The following ADGRG1 variants were observed in gnomAD, a reference collection of about 807,000 sequenced individuals.
ADGRG1 encodes the protein adhesion G protein-coupled receptor G1.
Under a neutral mutation model 73.5 loss-of-function variants are expected in ADGRG1, and 53 were observed. The observed-to-expected ratio is 0.72, with a 90% CI of 0.58 to 0.91. The LOEUF (loss-of-function observed/expected upper bound fraction) is 0.91. ADGRG1 is among the 40% of genes least tolerant of loss of function. The probability of loss-of-function intolerance (pLI) is 0.00; values close to 1 mark genes in which losing one functional copy is unlikely to be tolerated. For synonymous variants in ADGRG1, 394 were observed against 374.4 expected, an observed-to-expected ratio of 1.05 and a Z score of -0.60; for missense variants, 795 against 871.8, an observed-to-expected ratio of 0.91 and a Z score of 1.11.
rs2043470291 is a variant in ADGRG1 at position 57,649,408 on chromosome 16, G to A, written c.-35-845G>A. On this transcript the variant is annotated intron_variant, in intron 1 of 13. Coordinates refer to ENST00000562631, the MANE Select transcript of ADGRG1 (RefSeq NM_201525.4). ...CTCCCACTACCTGGAGGAGGCTACTGGGGGTGGGGAGGGGCTTTGGCCAGT... is the reference window on the plus strand; with the variant it reads ...CTCCCACTACCTGGAGGAGGCTACTAGGGGTGGGGAGGGGCTTTGGCCAGT... 2.0e-5 allele frequency among the ~76,000 whole-genome samples: 3 copies of A among 152,184 alleles called. No individual in the cohort carries two copies. In the South Asian group the frequency reaches 6.2e-4, roughly 31 times the overall value.
At chr16:57,640,995 G>C (rs991192386) in intron 1 of ADGRG1, 6 of 985,410 alleles carry the variant, frequency 6.1e-6, no homozygotes, top group Non-Finnish European at 6.0e-6. Flanking sequence ...TGGTTTGAGA[G>C]GGAAGACAGT....
chr16:57,636,411 A>G (rs769561269), intron 1 of ADGRG1: 11 of 985,108 alleles, frequency 1.1e-5, no homozygotes, highest in Non-Finnish European at 1.3e-5. Flanking sequence ...AACAAAGGGG[A>G]GTTTGCCTTG....
rs775331098 is a variant in ADGRG1 at position 57,651,246 on chromosome 16, G to A, written c.111G>A (p.Gln37=). 2.5e-5 allele frequency: 40 copies of A among 1,614,046 alleles called. No homozygotes were observed. Among genetic ancestry groups the A allele is most frequent in the Admixed American group, 3.3e-5 (2 of 60,016 alleles). Residue 37 remains glutamine, a synonymous_variant, in exon 3 of 14, where the codon CAG becomes CAA. Coordinates refer to ENST00000562631, the MANE Select transcript of ADGRG1 (RefSeq NM_201525.4). ...GHREDFRFCS[Q]RNQTHRSSLH... is the part of the protein sequence containing the mutation. Reference sequence around the variant, plus strand: ...GGGAAGACTTTCGCTTCTGCAGCCAGCGGAACCAGACACACAGGAGCAGCC... The same window carrying A: ...GGGAAGACTTTCGCTTCTGCAGCCAACGGAACCAGACACACAGGAGCAGCC...
At chr16:57,655,624 G>C in intron 6 of ADGRG1, 94 bp downstream of exon 6, 1 of 1,597,014 alleles carries the variant, frequency 6.3e-7, no homozygotes, top group Non-Finnish European at 8.5e-7. Flanking sequence ...CTTCCTCTGG[G>C]AGTCAAAGCC....
chr16:57,628,917 AGT>A (rs1299341571), intron 1 of ADGRG1, 115 bp downstream of exon 1: 7 of 739,524 alleles, frequency 9.5e-6, no homozygotes, highest in Admixed American at 1.0e-4. Context: ...AGTGTGTGAG[AGT>A]GAGTGTGAGT....
intron 1 of ADGRG1, chr16:57,643,654 G>A: frequency 6.1e-6 from 6 of 985,140 alleles, no homozygotes; most frequent in Non-Finnish European, 7.2e-6. Flanking sequence ...AGCCTCCGAG[G>A]CAGGCAGCTT....
At chr16:57,646,256 C>A in intron 1 of ADGRG1, 1 of 420,694 alleles carries the variant, frequency 2.4e-6, no homozygotes, top group Non-Finnish European at 3.2e-6. Context: ...GACTCAGGTC[C>A]CCCGGGAGAA....
upstream of ADGRG1, chr16:57,625,833 ACTTC>A (rs1411851171): frequency 5.6e-6 from 1 of 178,100 alleles, no homozygotes. Flanking sequence ...GTTAGATCCC[ACTTC>A]CTTCCAAGCA....
chr16:57,634,710 G>A (rs1007402459), intron 1 of ADGRG1: 24 of 173,050 alleles, frequency 1.4e-4, no homozygotes, highest in Non-Finnish European at 2.2e-4. Flanking sequence ...TGGCAGGGGC[G>A]TTGCAGAAGC....
chr16:57,659,363 C>A (rs1338272177), intron 10 of ADGRG1, 50 bp from the exon 11 acceptor site: 5 of 1,611,836 alleles, frequency 3.1e-6, no homozygotes, highest in Non-Finnish European at 4.2e-6. Flanking sequence ...TGGGCACACT[C>A]CCCTCTCTAC....
chr16:57,619,949 G>A (rs2034458504), upstream of ADGRG1: 1 of 152,414 alleles, frequency 6.6e-6, no homozygotes, highest in African/African-American at 2.4e-5. Context: ...GGGAACAAGA[G>A]AGGGTGGCGG....
chr16:57,627,099 T>C (rs770060452), upstream of ADGRG1: 145 of 978,624 alleles, frequency 1.5e-4, no homozygotes, highest in Non-Finnish European at 1.7e-4. Flanking sequence ...TCTCACCTTA[T>C]GGCCTCCCTG....
intron 1 of ADGRG1, chr16:57,631,821 G>C: frequency 1.0e-6 from 1 of 985,388 alleles, no homozygotes; most frequent in Non-Finnish European, 1.2e-6. Context: ...CCTGTCTCTG[G>C]TGCCCCATCT....
chr16:57,649,224 C>T (rs1312749877), intron 1 of ADGRG1, among the ~76,000 whole-genome samples: 1 of 152,212 alleles, frequency 6.6e-6, no homozygotes, highest in East Asian at 1.9e-4. Flanking sequence ...GCGCCCTTCC[C>T]CTCTGGCTCC....
At chr16:57,658,611 G>A (rs1319091886) in intron 10 of ADGRG1, among the ~76,000 whole-genome samples, 1 of 152,228 alleles carries the variant, frequency 6.6e-6, no homozygotes, top group African/African-American at 2.4e-5. Context: ...AAGGACAGCT[G>A]GGTGATGAGA....
chr16:57,631,407 G>C, intron 1 of ADGRG1: 1 of 985,976 alleles, frequency 1.0e-6, no homozygotes, highest in South Asian at 4.7e-5. Flanking sequence ...AGGGATGCAG[G>C]ATGGGCTTCC....
rs149610558 is a variant in ADGRG1, at chr16:57,653,633, G to A, written c.620+298G>A. 778 of 957,624 alleles carry A rather than the reference G, an allele frequency of 8.1e-4. 2 individuals carry two copies. Among genetic ancestry groups the A allele is most frequent in the Middle Eastern group, 3.8e-3 (7 of 1,858 alleles). The allele number at this position is 957,624 out of a possible 1,614,324, so 59.3% of individuals were successfully genotyped here. ...ACCAAGGCTCAGAGACGGCAGAGCC[G>A]CTCCAAGGCCACAGAGTAGGTTGGC... On this transcript the variant is annotated intron_variant, in intron 4 of 13. Coordinates refer to ENST00000562631, the MANE Select transcript of ADGRG1 (RefSeq NM_201525.4).
At chr16:57,638,607 GT>G (rs1205641943) in intron 1 of ADGRG1, among the ~76,000 whole-genome samples, 1 of 152,198 alleles carries the variant, frequency 6.6e-6, no homozygotes, top group Non-Finnish European at 1.5e-5. Flanking sequence ...ACCCTAAGGA[GT>G]TTTCAGAGAA....
rs187562828 is a variant in ADGRG1, at chr16:57,656,347, G to A, written c.1063+76G>A. On this transcript the variant is annotated intron_variant, in intron 8 of 13. Transcript: ENST00000562631. Reference sequence around the variant, plus strand: ...AGTCCTGGGGGGTGGGGGAGGTGGGGTTAATCACCGAGGGCTTCCTGGAGA... The same window carrying A: ...AGTCCTGGGGGGTGGGGGAGGTGGGATTAATCACCGAGGGCTTCCTGGAGA... 3.7e-6 allele frequency: 6 copies of A among 1,611,368 alleles called. No homozygotes were observed. In the African/African-American group the frequency reaches 6.7e-5, roughly 18 times the overall value.
Sources: gnomAD v4.1 joint callset for allele counts (sites outside exome capture counted in the v4.1 genomes callset) on GRCh38, gnomAD v4.1.1 for gene constraint, MANE v1.5 for transcripts, NCBI Gene and HGNC (gene_info 2026-07-23, HGNC 2026-07-21) for gene names.